AGBL1: variants seen among roughly 807,000 people sequenced by gnomAD.
AGBL1 encodes cytosolic carboxypeptidase 4.
In AGBL1, 130 loss-of-function variants were observed where a neutral mutation model predicts 118.9. The observed-to-expected ratio is 1.09, with a 90% CI of 0.95 to 1.26. The LOEUF (loss-of-function observed/expected upper bound fraction) is 1.26. Ranked by LOEUF, AGBL1 falls within the 50% of genes most tolerant of loss-of-function variation. The pLI is 0.00. For synonymous variants in AGBL1, 555 were observed against 478.9 expected (o/e 1.16, Z -2.08); for missense variants, 1,584 against 1,298.1 (o/e 1.22, Z -3.38).
At chr15:86,385,756 G>A (rs2081174643) in intron 17 of AGBL1, among the ~76,000 whole-genome samples, 1 of 152,118 alleles carries the variant, frequency 6.6e-6, no homozygotes, top group Non-Finnish European at 1.5e-5. Context: ...GTCACATAAA[G>A]TGAAGGGTTC....
At chr15:86,347,321 T>C (rs932411330) in intron 17 of AGBL1, among the ~76,000 whole-genome samples, 6 of 152,236 alleles carry the variant, frequency 3.9e-5, no homozygotes, top group African/African-American at 1.2e-4. Flanking sequence ...CAATTGTCTT[T>C]GGTGTTCAAA....
rs1456871051 is a variant in AGBL1, at chr15:86,131,019, A to G, written c.52-10985A>G. ...TTGATCCCAGTTCAGCTGAGAGCTT[A>G]ATTGACTGTCTACTGGACCACCATA... is the stretch of plus-strand genomic sequence containing the variant. On this transcript the variant is annotated intron_variant, in intron 1 of 22. Coordinates refer to ENST00000614907, the MANE Select transcript of AGBL1 (RefSeq NM_001386094.1). 2.6e-5 allele frequency among the ~76,000 whole-genome samples: 4 copies of G among 152,292 alleles called. No individual in the cohort carries two copies. In the East Asian group the frequency reaches 7.7e-4, roughly 29 times the overall value.
At chr15:86,586,791 G>C (rs1567071630) in intron 21 of AGBL1, among the ~76,000 whole-genome samples, 1 of 152,104 alleles carries the variant, frequency 6.6e-6, no homozygotes, top group African/African-American at 2.4e-5. Flanking sequence ...TATTTATTTG[G>C]CACTTGGTTG....
At chr15:86,475,236 C>T (rs555605111) in intron 18 of AGBL1, among the ~76,000 whole-genome samples, 8 of 152,246 alleles carry the variant, frequency 5.3e-5, no homozygotes, top group Non-Finnish European at 8.8e-5. Flanking sequence ...ATGACTTTGA[C>T]GCGCTGAGAG....
intron 21 of AGBL1, among the ~76,000 whole-genome samples, chr15:86,572,404 C>G (rs762355043): frequency 3.3e-5 from 5 of 152,194 alleles, no homozygotes; most frequent in Non-Finnish European, 7.3e-5. Flanking sequence ...TCGCTGGGTC[C>G]CCCTCTGAGA....
At chr15:86,685,513 A>G (rs2086038407) in intron 22 of AGBL1, among the ~76,000 whole-genome samples, 1 of 152,190 alleles carries the variant, frequency 6.6e-6, no homozygotes, top group Non-Finnish European at 1.5e-5. Flanking sequence ...AAAGCTGACT[A>G]GCTCCCTGTG....
intron 23 of AGBL1, among the ~76,000 whole-genome samples, chr15:86,948,807 T>C (rs557754014): frequency 6.6e-5 from 10 of 152,368 alleles, no homozygotes; most frequent in Non-Finnish European, 1.2e-4. Flanking sequence ...TTTGATATCT[T>C]GGACGAGTGA....
At chr15:86,578,291 G>A (rs575549674) in intron 21 of AGBL1, among the ~76,000 whole-genome samples, 30 of 152,330 alleles carry the variant, frequency 2.0e-4, no homozygotes, top group African/African-American at 6.0e-4. Flanking sequence ...AGACTTGCAT[G>A]GGGGATGTAG....
intron 21 of AGBL1, among the ~76,000 whole-genome samples, chr15:86,644,046 TA>T (rs540823493): frequency 5.3e-5 from 8 of 152,118 alleles, no homozygotes; most frequent in African/African-American, 1.9e-4. Flanking sequence ...TTTGGAGACT[TA>T]AAAAAATTTA....
chr15:86,825,934 T>TAGATAGATAGAC (rs1555454352), intron 22 of AGBL1, among the ~76,000 whole-genome samples: 2 of 144,584 alleles, frequency 1.4e-5, no homozygotes, highest in African/African-American at 5.1e-5. Context: ...GATAGATAGA[T>TAGATAGATAGAC]AGACAGATGA....
intron 5 of AGBL1, among the ~76,000 whole-genome samples, chr15:86,206,624 G>A (rs932554876): frequency 3.3e-5 from 5 of 152,178 alleles, no homozygotes; most frequent in Non-Finnish European, 1.5e-5. Flanking sequence ...TTTGAGAAAT[G>A]TCTTTTCATA....
chr15:86,552,574 G>A (rs2083679038), intron 20 of AGBL1, among the ~76,000 whole-genome samples: 1 of 152,192 alleles, frequency 6.6e-6, no homozygotes, highest in Non-Finnish European at 1.5e-5. Flanking sequence ...TAATTATGTA[G>A]TAACCTCTAT....
chr15:86,146,319 G>A (rs1033473592), intron 3 of AGBL1, among the ~76,000 whole-genome samples: 3 of 152,120 alleles, frequency 2.0e-5, no homozygotes, highest in Non-Finnish European at 2.9e-5. Context: ...GATTTACATA[G>A]CATTTACATT....
At chr15:86,624,507 C>G (rs1478092130) in intron 21 of AGBL1, among the ~76,000 whole-genome samples, 1 of 152,110 alleles carries the variant, frequency 6.6e-6, no homozygotes, top group African/African-American at 2.4e-5. Context: ...TTCCTGTGGC[C>G]TTCACTTTTT....
chr15:86,117,438 A>G (rs911178250), intron 1 of AGBL1, among the ~76,000 whole-genome samples: 4 of 152,080 alleles, frequency 2.6e-5, no homozygotes, highest in South Asian at 2.1e-4. Context: ...GTAATTTCCA[A>G]TTTTCCCTGT....
chr15:86,535,512 G>A (rs1596238835), intron 19 of AGBL1, among the ~76,000 whole-genome samples: 1 of 152,330 alleles, frequency 6.6e-6, no homozygotes, highest in Middle Eastern at 3.4e-3. Context: ...GAATGGGATC[G>A]ATTCCTATCC....
At chr15:87,021,750 G>A (rs1271753427) in intron 24 of AGBL1, among the ~76,000 whole-genome samples, 8 of 152,042 alleles carry the variant, frequency 5.3e-5, no homozygotes, top group Admixed American at 5.2e-4. Flanking sequence ...CATGGCAGAT[G>A]GGAGGCAGGA....
chr15:86,465,989 C>T (rs1455319924), intron 18 of AGBL1, among the ~76,000 whole-genome samples: 2 of 152,168 alleles, frequency 1.3e-5, no homozygotes, highest in African/African-American at 2.4e-5. Flanking sequence ...GCTCAGGGGG[C>T]ATCACGGAAC....
intron 18 of AGBL1, among the ~76,000 whole-genome samples, chr15:86,484,644 A>C (rs2082692132): frequency 6.6e-6 from 1 of 152,064 alleles, no homozygotes; most frequent in Admixed American, 6.6e-5. Context: ...CCCTTGGCAC[A>C]CTGAAATACT....
Sources: allele counts gnomAD v4.1 joint callset (sites outside exome capture counted in the v4.1 genomes callset), GRCh38; gene constraint gnomAD v4.1.1; transcripts MANE v1.5; gene names NCBI Gene and HGNC (gene_info 2026-07-23, HGNC 2026-07-21).